The following VANGL1 variants were observed in gnomAD, a reference collection of about 807,000 sequenced individuals.
VANGL1 encodes the protein vang-like protein 1.
VANGL1 carries 18 observed loss-of-function variants against 48.4 expected under a neutral mutation model. That is an observed-to-expected ratio of 0.37 (90% CI 0.26 to 0.55). The LOEUF is 0.55. VANGL1 is among the 20% of genes least tolerant of loss of function. The pLI is 0.81. For synonymous variants in VANGL1, 257 were observed against 261.8 expected (o/e 0.98, Z 0.18); for missense variants, 667 against 675.8 (o/e 0.99, Z 0.14).
chr1:115,683,783 C>T (rs748524980), intron 5 of VANGL1, among the ~76,000 whole-genome samples, 161 bp from the exon 6 acceptor site: 4 of 152,154 alleles, frequency 2.6e-5, no homozygotes, highest in African/African-American at 2.4e-5. Flanking sequence ...AATGTGGAGC[C>T]GGGGCACAGT....
At chr1:115,676,437 A>G (rs945512482) in intron 4 of VANGL1, among the ~76,000 whole-genome samples, 1 of 152,222 alleles carries the variant, frequency 6.6e-6, no homozygotes, top group Non-Finnish European at 1.5e-5. Flanking sequence ...GGAGGTTGGT[A>G]CAGGCGCACC....
intron 1 of VANGL1, among the ~76,000 whole-genome samples, chr1:115,647,934 T>C (rs2101294995): frequency 1.3e-5 from 2 of 152,334 alleles, no homozygotes; most frequent in Middle Eastern, 6.8e-3. Flanking sequence ...GTACCTGCTA[T>C]GTTCAAAATA....
chr1:115,660,209 C>T (rs1449044252), intron 3 of VANGL1, among the ~76,000 whole-genome samples: 4 of 152,156 alleles, frequency 2.6e-5, no homozygotes, highest in African/African-American at 7.2e-5. Context: ...GGTAGAGAAA[C>T]GTAAGTTAAT....
At chr1:115,642,412 C>T (rs1041404151) in intron 1 of VANGL1, among the ~76,000 whole-genome samples, 1 of 152,106 alleles carries the variant, frequency 6.6e-6, no homozygotes, top group Admixed American at 6.5e-5. Context: ...CCCTTTCTCC[C>T]CGGGCTGGCC....
At chr1:115,667,032 A>G (rs1652818332) in intron 4 of VANGL1, among the ~76,000 whole-genome samples, 1 of 152,186 alleles carries the variant, frequency 6.6e-6, no homozygotes, top group South Asian at 2.1e-4. Flanking sequence ...ACAGGAGGGA[A>G]GAGGGAGCGG....
At chr1:115,666,671 A>G (rs1379655501) in intron 4 of VANGL1, among the ~76,000 whole-genome samples, 1 of 152,202 alleles carries the variant, frequency 6.6e-6, no homozygotes. Context: ...GGTGGTCCCC[A>G]GCCTCATCCT....
In VANGL1 at chr1:115,685,043, C is replaced by T. The variant is rs11811813; in HGVS notation, c.1080-250C>T. 0.065 allele frequency among the ~76,000 whole-genome samples: 9,969 copies of T among 152,242 alleles called. 355 individuals are homozygous for T. Among genetic ancestry groups the T allele is most frequent in the East Asian group, 0.13 (686 of 5,176 alleles). ...TGGTGGCAGAATTCAGAACAGAGTT[C>T]ATCTCCCAGTCCTGGGGCTCCTTTC... is the stretch of plus-strand genomic sequence containing the variant. On this transcript the variant is annotated intron_variant, in intron 6 of 7. Transcript: ENST00000355485.
intron 5 of VANGL1, among the ~76,000 whole-genome samples, chr1:115,682,704 A>C (rs986224323): frequency 6.6e-6 from 1 of 152,154 alleles, no homozygotes; most frequent in Non-Finnish European, 1.5e-5. Context: ...AAGCCTGTTC[A>C]TTTTGGGATT....
At chr1:115,653,934 T>C (rs1203446999) in intron 2 of VANGL1, among the ~76,000 whole-genome samples, 1 of 152,062 alleles carries the variant, frequency 6.6e-6, no homozygotes, top group African/African-American at 2.4e-5. Flanking sequence ...CTACGGGTGG[T>C]GGATTCTCCA....
Position 115,696,060 on chromosome 1 carries a change from C to T in VANGL1, c.*4681C>T, listed in dbSNP as rs1306272274. On this transcript the variant is annotated 3_prime_UTR_variant, in exon 8 of 8. Transcript: ENST00000355485. ...ATCCCTTCTGGAAAACCCAGCCTTT[C>T]AGTGTTAACACCTGCTGCAAGACAG... The T allele has an allele frequency of 6.6e-6, 1 of 152,262 alleles. No individual in the cohort carries two copies. The highest frequency in any genetic ancestry group is 1.5e-5 in the Non-Finnish European group (1 of 68,062). The allele number at this position is 152,262 out of a possible 1,614,324, so 9.4% of individuals were successfully genotyped here.
chr1:115,668,085 A>C (rs985442479), intron 4 of VANGL1, among the ~76,000 whole-genome samples: 2 of 152,194 alleles, frequency 1.3e-5, no homozygotes, highest in East Asian at 3.9e-4. Flanking sequence ...CAGATGAGCA[A>C]ACCGAGGCGT....
chr1:115,682,603 A>ATGG (rs1653435614), intron 5 of VANGL1, 106 bp downstream of exon 5: 1 of 1,533,922 alleles, frequency 6.5e-7, no homozygotes, highest in African/African-American at 1.4e-5. Flanking sequence ...GCCTACCTTT[A>ATGG]TGGTACATTC....
intron 4 of VANGL1, chr1:115,671,275 C>T (rs1020828369): frequency 7.9e-5 from 12 of 152,376 alleles, no homozygotes; most frequent in African/African-American, 2.9e-4. Context: ...ATTCTCCACA[C>T]TCACCACAAG....
chr1:115,651,163 G>C, intron 1 of VANGL1, 114 bp from the exon 2 acceptor site: 1 of 503,808 alleles, frequency 2.0e-6, no homozygotes, highest in South Asian at 2.1e-5. Flanking sequence ...ACCCTCACTC[G>C]CTTGTTCCAT....
Position 115,685,244 on chromosome 1 carries a change from C to A in VANGL1, c.1080-49C>A, listed in dbSNP as rs756884628. The A allele has an allele frequency of 3.1e-6, 5 of 1,602,838 alleles. No homozygotes were observed. In the Admixed American group the frequency reaches 6.7e-5, roughly 22 times the overall value. ...AGACAAGCGTCATTCTGTTCTCACA[C>A]CCTGTGGCAGGCACCATCCTGATTA... is the stretch of plus-strand genomic sequence containing the variant. On this transcript the variant is annotated intron_variant, in intron 6 of 7. Transcript: ENST00000355485.
intron 7 of VANGL1, among the ~76,000 whole-genome samples, chr1:115,688,036 A>G (rs12742979): frequency 0.077 from 10,507 of 136,242 alleles, 2,248 homozygotes; most frequent in Admixed American, 0.13. Context: ...ATACATAGAT[A>G]GATAGATAGC....
intron 3 of VANGL1, among the ~76,000 whole-genome samples, chr1:115,662,432 G>A (rs981090264): frequency 1.1e-4 from 16 of 152,142 alleles, no homozygotes; most frequent in East Asian, 5.8e-4. Context: ...TCTTTTCAGC[G>A]CCTTGCTCTT....
chr1:115,676,945 T>C (rs1172707455), intron 4 of VANGL1, among the ~76,000 whole-genome samples: 1 of 152,058 alleles, frequency 6.6e-6, no homozygotes, highest in East Asian at 1.9e-4. Context: ...AGATGAAGAG[T>C]ATGAGGTTTG....
At position 115,688,915 on chromosome 1, in the gene VANGL1, G is replaced by A. The variant is rs1473936991; in HGVS notation, c.1315-2204G>A. 4.5e-5 allele frequency among the ~76,000 whole-genome samples: 6 copies of A among 133,310 alleles called. 1 individual carries two copies. Among genetic ancestry groups the A allele is most frequent in the Non-Finnish European group, 9.7e-5 (6 of 61,916 alleles). 87.5% of individuals were successfully genotyped at this position (133,310 alleles called of 152,430 possible). On this transcript the variant is annotated intron_variant, in intron 7 of 7. Coordinates refer to ENST00000355485, the MANE Select transcript of VANGL1 (RefSeq NM_138959.3). ...CACCATTCTCCTGCCTCAGCCTCCC[G>A]AGTAACTGGGACTACAGGCGCCCAC...
Sources: gnomAD v4.1 joint callset for allele counts (sites outside exome capture counted in the v4.1 genomes callset) on GRCh38, gnomAD v4.1.1 for gene constraint, MANE v1.5 for transcripts, NCBI Gene and HGNC (gene_info 2026-07-23, HGNC 2026-07-21) for gene names.